The following SCARB2 variants were observed in gnomAD, a reference collection of about 807,000 sequenced individuals.
The protein encoded by SCARB2 is scavenger receptor class B member 2, also known as lysosome membrane protein 2.
Under a neutral mutation model 58.6 loss-of-function variants are expected in SCARB2, and 29 were observed. That is an observed-to-expected ratio of 0.49 (90% CI 0.37 to 0.67). The LOEUF (loss-of-function observed/expected upper bound fraction) is 0.67. Ranked by LOEUF, SCARB2 falls within the 30% of genes least tolerant of loss-of-function variation. The pLI is 0.00. For missense variants in SCARB2, 488 were observed against 578.5 expected (o/e 0.84, Z 1.60); for synonymous variants, 195 against 210.1 (o/e 0.93, Z 0.62).
intron 2 of SCARB2, chr4:76,184,864 G>GTGAT: frequency 3.2e-6 from 1 of 311,706 alleles, no homozygotes; most frequent in Non-Finnish European, 6.1e-6. Context: ...GACACATGAT[G>GTGAT]TGATGATCAA....
In SCARB2 at chr4:76,170,971, T is replaced by TATATATATATATATATAA. The variant is rs34900504; in HGVS notation, c.995-987_995-986insTTATATATATATATATAT. 6.3e-3 allele frequency among the ~76,000 whole-genome samples: 842 copies of TATATATATATATATATAA among 133,660 alleles called. 11 individuals carry two copies. The highest frequency in any genetic ancestry group is 0.015 in the East Asian group (71 of 4,640). 87.7% of individuals were successfully genotyped at this position (133,660 alleles called of 152,430 possible). On this transcript the variant is annotated intron_variant, in intron 7 of 11. Transcript: ENST00000264896. ...ATATATATATATATATATATATATA[T>TATATATATATATATATAA]AACCAAATAGGGAAACAAGTTACTA...
chr4:76,209,916 T>C (rs17001659), intron 1 of SCARB2, among the ~76,000 whole-genome samples: 26,393 of 152,198 alleles, frequency 0.17, 3,463 homozygotes, highest in African/African-American at 0.34. Flanking sequence ...GCCCTGACTG[T>C]GGCCAGTTCT....
intron 2 of SCARB2, chr4:76,184,721 A>G (rs1732451002): frequency 3.2e-6 from 1 of 313,066 alleles, no homozygotes; most frequent in South Asian, 2.8e-5. Context: ...GTTTGACGTT[A>G]CAGTGAGCTA....
chr4:76,225,521 G>A (rs1049209272), intron 1 of SCARB2, among the ~76,000 whole-genome samples: 4 of 152,166 alleles, frequency 2.6e-5, no homozygotes, highest in African/African-American at 9.7e-5. Context: ...TTGGCTGTGG[G>A]TTTGTCATAG....
chr4:76,168,066 A>G (rs1335485164), intron 9 of SCARB2, among the ~76,000 whole-genome samples: 1 of 152,210 alleles, frequency 6.6e-6, no homozygotes, highest in East Asian at 1.9e-4. Context: ...AGTGGATAAA[A>G]GTTGACTAGA....
At chr4:76,171,863 T>C (rs557922960) in intron 7 of SCARB2, among the ~76,000 whole-genome samples, 4 of 152,188 alleles carry the variant, frequency 2.6e-5, no homozygotes, top group African/African-American at 9.6e-5. Context: ...CTAGACGCCA[T>C]CTTTATGGAA....
chr4:76,171,770 C>T (rs1273088967), intron 7 of SCARB2, among the ~76,000 whole-genome samples: 1 of 152,078 alleles, frequency 6.6e-6, no homozygotes, highest in African/African-American at 2.4e-5. Context: ...GAGATCACAA[C>T]CAGGAACTTG....
chr4:76,201,302 C>T (rs1394050912), intron 1 of SCARB2, among the ~76,000 whole-genome samples: 1 of 152,168 alleles, frequency 6.6e-6, no homozygotes, highest in Non-Finnish European at 1.5e-5. Context: ...TTTCTCTCTG[C>T]TTTCATGAAA....
intron 2 of SCARB2, among the ~76,000 whole-genome samples, chr4:76,184,160 C>T (rs1005963391): frequency 3.3e-5 from 5 of 152,182 alleles, no homozygotes; most frequent in Non-Finnish European, 7.3e-5. Context: ...CCCCACTTCA[C>T]AGCTGGGGAC....
rs10031935 is a variant in SCARB2 at position 76,210,253 on chromosome 4, A to T, written c.117+3174T>A. Among the ~76,000 whole-genome samples the T allele has an allele frequency of 6.5e-3, 989 of 152,206 alleles. 7 individuals carry two copies. Among genetic ancestry groups the T allele is most frequent in the African/African-American group, 0.022 (929 of 41,536 alleles). On this transcript the variant is annotated intron_variant, in intron 1 of 11. Transcript: ENST00000264896. ...TATTTTCAAAATGAGGATCCTTAGG[A>T]TTTGAGGGATTAAATAACTTGCCAC...
intron 11 of SCARB2, chr4:76,163,021 A>G: frequency 1.6e-6 from 1 of 641,180 alleles, no homozygotes; most frequent in South Asian, 1.9e-5. Context: ...ATTAGATGGT[A>G]CCTTCTAACC....
upstream of SCARB2, chr4:76,217,531 C>G (rs1342626693): frequency 2.3e-6 from 1 of 431,844 alleles, no homozygotes; most frequent in African/African-American, 2.0e-5. Context: ...CTAGCTTCCT[C>G]TCTGCCCATG....
chr4:76,187,922 T>C (rs1446083327), intron 2 of SCARB2, among the ~76,000 whole-genome samples: 2 of 152,142 alleles, frequency 1.3e-5, no homozygotes, highest in Non-Finnish European at 2.9e-5. Flanking sequence ...TTACTTGTTA[T>C]CAATGAATAA....
intron 1 of SCARB2, among the ~76,000 whole-genome samples, chr4:76,225,718 T>G (rs55777203): frequency 5.3e-5 from 8 of 151,668 alleles, no homozygotes; most frequent in Middle Eastern, 3.4e-3. Flanking sequence ...AAACCACCCC[T>G]GTATCCCTGG....
At chr4:76,231,129 A>G (rs2109985787) in intron 1 of SCARB2, among the ~76,000 whole-genome samples, 1 of 152,292 alleles carries the variant, frequency 6.6e-6, no homozygotes, top group South Asian at 2.1e-4. Context: ...AATAAGGGAG[A>G]GGAAAGGATG....
At chr4:76,207,658 A>G (rs767917446) in intron 1 of SCARB2, among the ~76,000 whole-genome samples, 12 of 152,218 alleles carry the variant, frequency 7.9e-5, no homozygotes, top group African/African-American at 2.9e-4. Flanking sequence ...TAGATAGTGC[A>G]TATCTTGATG....
chr4:76,174,160 G>C lies in SCARB2; in HGVS notation c.978C>G (p.Val326=), dbSNP rs1408319128. 1 of 1,613,804 alleles carries C rather than the reference G, an allele frequency of 6.2e-7. No individual in the cohort carries two copies. The highest frequency in any genetic ancestry group is 8.5e-7 in the Non-Finnish European group (1 of 1,180,034). ...AGTTCTTACCATTCTTGCAGATGCT[G>C]ACATTCAGAACTCCTGAGCCCAGGC... ...GNCLGSGVLN[V]SICKNGAPII... The change falls in exon 7 of 12, where the codon GTC becomes GTG. Residue 326 remains valine, a synonymous_variant. Coordinates refer to ENST00000264896, the MANE Select transcript of SCARB2 (RefSeq NM_005506.4).
chr4:76,187,915 C>G (rs543285037), intron 2 of SCARB2, among the ~76,000 whole-genome samples: 1 of 152,048 alleles, frequency 6.6e-6, no homozygotes, highest in Non-Finnish European at 1.5e-5. Context: ...TCCAGTATTA[C>G]TTGTTATCAA....
chr4:76,217,219 C>T (rs1560725734), upstream of SCARB2, among the ~76,000 whole-genome samples: 1 of 152,206 alleles, frequency 6.6e-6, no homozygotes, highest in African/African-American at 2.4e-5. Flanking sequence ...CCTGAACACA[C>T]TCTGGAGGGG....
Sources: gnomAD v4.1 joint callset for allele counts (sites outside exome capture counted in the v4.1 genomes callset) on GRCh38, gnomAD v4.1.1 for gene constraint, MANE v1.5 for transcripts, NCBI Gene and HGNC (gene_info 2026-07-23, HGNC 2026-07-21) for gene names.